The following CCDC197 variants were observed in gnomAD, a reference collection of about 807,000 sequenced individuals.
CCDC197 encodes coiled-coil domain containing 197.
A neutral mutation model predicts 13.4 loss-of-function variants in CCDC197; 24 were observed. That is an observed-to-expected ratio of 1.80 (90% confidence interval 1.30 to 2.53). The LOEUF (loss-of-function observed/expected upper bound fraction) is 2.53. CCDC197 is among the 30% of genes most tolerant of loss of function. The probability of loss-of-function intolerance (pLI) is 0.00; values close to 1 mark genes in which losing one functional copy is unlikely to be tolerated. For missense variants in CCDC197, 255 were observed against 148.8 expected (o/e 1.71, Z -3.71); for synonymous variants, 99 against 55.5 (o/e 1.78, Z -3.48).
In CCDC197 at chr14:94,004,892, A is replaced by T. The variant is rs1419604999; in HGVS notation, c.536A>T (p.Asn179Ile). The T allele has an allele frequency of 1.4e-6, 1 of 702,862 alleles. No individual in the cohort carries two copies. The highest frequency in any genetic ancestry group is 1.7e-5 in the African/African-American group (1 of 57,236). The allele number at this position is 702,862 out of a possible 1,614,324, so 43.5% of individuals were successfully genotyped here. A position where few individuals can be genotyped will look rare whatever the true frequency, so the allele number is the denominator to read the frequency against. ...GGCTACATGCAAATGACCATCACCAACATGGCCCGGCAGTGCTGCCCCTCT... is the reference window on the plus strand; with the variant it reads ...GGCTACATGCAAATGACCATCACCATCATGGCCCGGCAGTGCTGCCCCTCT... ...LLGYMQMTIT[N>I]MARQCCPSAH... Residue 179 changes from asparagine (N) to isoleucine (I), a missense_variant, in exon 6 of 7, where the codon AAC (asparagine) becomes ATC (isoleucine). Transcript: ENST00000636493.
chr14:93,995,741 G>C (rs904738552), upstream of CCDC197, among the ~76,000 whole-genome samples: 1 of 152,134 alleles, frequency 6.6e-6, no homozygotes, highest in Non-Finnish European at 1.5e-5. Flanking sequence ...CTGCCGCATG[G>C]ATCTCCAGGG....
intron 3 of CCDC197, 78 bp from the exon 4 acceptor site, chr14:94,001,067 C>A (rs1157719835): frequency 1.5e-6 from 1 of 653,604 alleles, no homozygotes; most frequent in Non-Finnish European, 2.8e-6. Flanking sequence ...GTGGCCCCAG[C>A]TGGAATTCCT....
rs573638455 is a variant in CCDC197, at chr14:94,003,151, C to G, written c.367-72C>G. ...CTATCCTGTCATTGCACAGACCACC[C>G]TGGGGACTCAGACCAGGGCATATGC... On this transcript the variant is annotated intron_variant, in intron 4 of 6. Coordinates refer to ENST00000636493, the MANE Select transcript of CCDC197 (RefSeq NM_001351596.2). The surrounding 1 kb of genome is among the most constrained non-coding windows in gnomAD (Gnocchi z 5.0). 1.4e-4 allele frequency: 102 copies of G among 727,008 alleles called. 1 individual carries two copies. The African/African-American group carries it at 1.6e-3, about 11-fold the overall frequency. 45.0% of individuals were successfully genotyped at this position (727,008 alleles called of 1,614,324 possible).
chr14:93,991,879 G>T (rs1345672096), intron 1 of CCDC197, among the ~76,000 whole-genome samples: 1 of 152,216 alleles, frequency 6.6e-6, no homozygotes. Flanking sequence ...AAGCCACTGT[G>T]AGAGGAATAG....
Position 94,001,217 on chromosome 14 carries a change from C to T in CCDC197, c.260C>T (p.Thr87Ile), listed in dbSNP as rs1311239228. The change falls in exon 4 of 7, where the codon ACA (threonine) becomes ATA (isoleucine). Residue 87 changes from threonine (T) to isoleucine (I), a missense_variant. Thr to Ile is a moderately conservative substitution (Grantham distance 89, BLOSUM62 -1). Coordinates refer to ENST00000636493, the MANE Select transcript of CCDC197 (RefSeq NM_001351596.2). ...GTGAAGCACTACGGGAAGCTCTTCACAGCCAGCCAGGACACGCAGAAGCGC... is the reference window on the plus strand; with the variant it reads ...GTGAAGCACTACGGGAAGCTCTTCATAGCCAGCCAGGACACGCAGAAGCGC... ...ATVKHYGKLFTASQDTQKRLE... is the reference protein window; with the variant it reads ...ATVKHYGKLFIASQDTQKRLE... 1.3e-6 allele frequency: 1 copy of T among 780,970 alleles called. No homozygotes were observed. Among genetic ancestry groups the T allele is most frequent in the South Asian group, 1.3e-5 (1 of 74,606 alleles). The allele number at this position is 780,970 out of a possible 1,614,324, so 48.4% of individuals were successfully genotyped here. A position where few individuals can be genotyped will look rare whatever the true frequency, so the allele number is the denominator to read the frequency against.
chr14:94,008,565 G>C (rs1890748523), intron 6 of CCDC197, 44 bp from the exon 7 acceptor site: 3 of 688,544 alleles, frequency 4.4e-6, no homozygotes, highest in Non-Finnish European at 5.4e-6. Flanking sequence ...GCAGCGTCCA[G>C]AGGCCAAAAC....
At chr14:94,002,635 T>C (rs1168167913) in intron 4 of CCDC197, among the ~76,000 whole-genome samples, 1 of 152,034 alleles carries the variant, frequency 6.6e-6, no homozygotes, top group Non-Finnish European at 1.5e-5. Flanking sequence ...GGCAGATCAT[T>C]CGAGGTCAGG....
upstream of CCDC197, among the ~76,000 whole-genome samples, chr14:93,993,509 A>G (rs561255631): frequency 6.6e-6 from 1 of 152,330 alleles, no homozygotes; most frequent in Admixed American, 6.5e-5. Context: ...ACTTTTCCTG[A>G]GGCCACACAG....
At chr14:94,000,844 G>T in intron 3 of CCDC197, 1 of 286,270 alleles carries the variant, frequency 3.5e-6, no homozygotes, top group Non-Finnish European at 6.4e-6. Flanking sequence ...GCTCCAAGCA[G>T]CAACATCTCC....
In CCDC197 at chr14:94,003,697, A is replaced by G. The variant is rs1474385192; in HGVS notation, c.498+343A>G. Among the ~76,000 whole-genome samples, 1 of 152,066 alleles carries G rather than the reference A, an allele frequency of 6.6e-6. No homozygotes were observed. The highest frequency in any genetic ancestry group is 2.4e-5 in the African/African-American group (1 of 41,416). On this transcript the variant is annotated intron_variant, in intron 5 of 6. Transcript: ENST00000636493. This position sits in a 1 kb window ranked among gnomAD's most constrained non-coding sequence, Gnocchi z 5.0. ...CACAAAGACACATGCAGAGACATAC[A>G]TAGAGACAGACACACACACAGACAG...
downstream of CCDC197, chr14:94,008,869 C>A (rs1236620435): frequency 1.5e-6 from 1 of 658,518 alleles, no homozygotes; most frequent in Non-Finnish European, 2.8e-6. Flanking sequence ...CTGCCTGCCT[C>A]CTTTTCTCAC....
intron 1 of CCDC197, among the ~76,000 whole-genome samples, chr14:93,990,032 T>C (rs1890179837): frequency 6.6e-6 from 1 of 152,204 alleles, no homozygotes; most frequent in Non-Finnish European, 1.5e-5. Flanking sequence ...TCTATTCCCA[T>C]TGAATCCCTC....
chr14:93,996,807 G>C (rs1032868176), upstream of CCDC197, among the ~76,000 whole-genome samples: 1 of 152,188 alleles, frequency 6.6e-6, no homozygotes, highest in Non-Finnish European at 1.5e-5. Context: ...CACCTTCCCC[G>C]GTGGCACAGG....
intron 6 of CCDC197, among the ~76,000 whole-genome samples, chr14:94,007,898 G>T (rs990118961): frequency 1.3e-5 from 2 of 152,216 alleles, no homozygotes; most frequent in Admixed American, 1.3e-4. Context: ...AGTTCAGAAG[G>T]ACTTCTCCAG....
chr14:93,988,923 G>A lies in CCDC197; in HGVS notation c.-107+1527G>A, dbSNP rs138582993. ...GGATGGGAGCAGGGATTGGAGGAGG[G>A]AATGGGAGGAGGGGATGGGAGAGAG... is the stretch of plus-strand genomic sequence containing the variant. On this transcript the variant is annotated intron_variant, in intron 1 of 7. Transcript: ENST00000640978. 4.4e-3 allele frequency among the ~76,000 whole-genome samples: 657 copies of A among 149,776 alleles called. 10 individuals carry two copies. The highest frequency in any genetic ancestry group is 0.016 in the African/African-American group (641 of 40,612).
At chr14:93,993,546 C>T (rs1347049292), upstream of CCDC197, among the ~76,000 whole-genome samples, 3 of 152,206 alleles carry the variant, frequency 2.0e-5, no homozygotes, top group Non-Finnish European at 1.5e-5. Flanking sequence ...AACCCGCAGC[C>T]CCACTCTGCA....
At chr14:94,009,678 G>A (rs1375591711), downstream of CCDC197, among the ~76,000 whole-genome samples, 3 of 152,146 alleles carry the variant, frequency 2.0e-5, no homozygotes, top group Admixed American at 6.5e-5. Context: ...GCAGTGAGCC[G>A]TGATTGTGCC....
intron 6 of CCDC197, among the ~76,000 whole-genome samples, chr14:94,006,130 G>A (rs939070957): frequency 6.6e-6 from 1 of 152,136 alleles, no homozygotes; most frequent in Non-Finnish European, 1.5e-5. Flanking sequence ...CAATGTACGA[G>A]GGTTCCAATT....
At chr14:93,987,718 C>G (rs555169141) in intron 1 of CCDC197, among the ~76,000 whole-genome samples, 1 of 152,164 alleles carries the variant, frequency 6.6e-6, no homozygotes, top group African/African-American at 2.4e-5. Flanking sequence ...AGCTTCCTAA[C>G]GGGCGGGAGT....
Sources: gnomAD v4.1 joint callset for allele counts (sites outside exome capture counted in the v4.1 genomes callset) on GRCh38, gnomAD v4.1.1 for gene constraint, Gnocchi (gnomAD v3.1) non-coding constraint, MANE v1.5 for transcripts, NCBI Gene and HGNC (gene_info 2026-07-23, HGNC 2026-07-21) for gene names.